The following AK8 variants were observed in gnomAD, a reference collection of about 807,000 sequenced individuals.
AK8 encodes the protein adenylate kinase 8.
Under a neutral mutation model 54.6 loss-of-function variants are expected in AK8, and 44 were observed. The observed-to-expected ratio is 0.81, with a 90% CI of 0.63 to 1.04. The LOEUF (loss-of-function observed/expected upper bound fraction) is 1.04, where lower values mean the gene tolerates loss of function less well. AK8 is among the 50% of genes least tolerant of loss of function. The pLI is 0.00. For missense variants in AK8, 555 were observed against 613.6 expected (o/e 0.90, Z 1.01); for synonymous variants, 239 against 245.6 (o/e 0.97, Z 0.25).
intron 5 of AK8, among the ~76,000 whole-genome samples, chr9:132,848,907 T>C (rs981286381): frequency 1.3e-4 from 9 of 69,432 alleles, no homozygotes; most frequent in Non-Finnish European, 2.0e-4. Flanking sequence ...TCCTGTTTGC[T>C]TTTTTTTTTT....
At chr9:132,806,468 A>G (rs1303583411) in intron 10 of AK8, among the ~76,000 whole-genome samples, 1 of 152,174 alleles carries the variant, frequency 6.6e-6, no homozygotes, top group African/African-American at 2.4e-5. Flanking sequence ...AACACACCGC[A>G]TGCAAAGGCT....
At chr9:132,824,108 G>A (rs1188390793) in intron 8 of AK8, among the ~76,000 whole-genome samples, 2 of 152,178 alleles carry the variant, frequency 1.3e-5, no homozygotes, top group East Asian at 3.9e-4. Flanking sequence ...AAGCCACAGG[G>A]CAAAGCTACT....
At chr9:132,878,594 C>G (rs1844268974), upstream of AK8, 2 of 1,097,898 alleles carry the variant, frequency 1.8e-6, no homozygotes, top group Non-Finnish European at 1.1e-6. This position sits in a 1 kb window ranked among gnomAD's most constrained non-coding sequence, Gnocchi z 4.7. Context: ...GAGGCAGAAC[C>G]TGCTTCTGGT....
intron 5 of AK8, among the ~76,000 whole-genome samples, chr9:132,850,461 A>G (rs1356409227): frequency 3.5e-5 from 5 of 142,772 alleles, no homozygotes; most frequent in Non-Finnish European, 6.0e-5. Context: ...CAGTGGCGTG[A>G]TGTTGGCTCA....
In AK8 at chr9:132,725,875, A is replaced by G. The variant is rs1228524629; in HGVS notation, c.1253T>C (p.Leu418Pro). ...PPPTMEIQARLLQNPKDAEEQ... is the reference protein window; with the variant it reads ...PPPTMEIQARPLQNPKDAEEQ... ...TTCAGCATCCTTTGGGTTCTGCAGG[A>G]GGCGAGCCTGGATCTCCATGGTGGG... The change falls in exon 13 of 13, where the codon CTC becomes CCC. Residue 418 changes from leucine to proline, a missense_variant. Leu to Pro is a moderately conservative substitution (Grantham distance 98). Transcript: ENST00000298545. The G allele has an allele frequency of 2.5e-6, 4 of 1,611,618 alleles. No homozygotes were observed. In the South Asian group the frequency reaches 4.4e-5, roughly 18 times the overall value.
intron 7 of AK8, chr9:132,827,715 G>A: frequency 2.4e-6 from 1 of 412,892 alleles, no homozygotes. Context: ...AGGCAGACAT[G>A]TCCCCTGGCT....
intron 11 of AK8, among the ~76,000 whole-genome samples, chr9:132,744,000 A>C (rs1037771726): frequency 1.3e-5 from 2 of 152,224 alleles, no homozygotes; most frequent in African/African-American, 4.8e-5. Flanking sequence ...GGAGAGGGAC[A>C]GTGAACCTGC....
At chr9:132,829,163 A>T (rs1203993874) in intron 5 of AK8, among the ~76,000 whole-genome samples, 3 of 152,102 alleles carry the variant, frequency 2.0e-5, no homozygotes, top group African/African-American at 7.2e-5. Flanking sequence ...TCACCATGTT[A>T]GCCAGGCTGG....
chr9:132,862,802 C>T (rs1032546490), intron 4 of AK8, among the ~76,000 whole-genome samples: 6 of 152,118 alleles, frequency 3.9e-5, no homozygotes, highest in Non-Finnish European at 8.8e-5. Context: ...GAGGATTTGG[C>T]TTTGAAGCTG....
chr9:132,841,549 A>G (rs1186850500), intron 5 of AK8, among the ~76,000 whole-genome samples: 1 of 152,206 alleles, frequency 6.6e-6, no homozygotes, highest in African/African-American at 2.4e-5. Flanking sequence ...GCCTGGCACA[A>G]ACCTGCCGAG....
At chr9:132,874,685 C>A (rs1305710295) in intron 2 of AK8, among the ~76,000 whole-genome samples, 1 of 152,148 alleles carries the variant, frequency 6.6e-6, no homozygotes, top group Non-Finnish European at 1.5e-5. Context: ...ATAATGAGAC[C>A]GTCGGAAAAG....
At chr9:132,836,222 G>C (rs1394559607) in intron 5 of AK8, among the ~76,000 whole-genome samples, 1 of 152,218 alleles carries the variant, frequency 6.6e-6, no homozygotes, top group Non-Finnish European at 1.5e-5. Context: ...CCGGGAGTTC[G>C]AGGCTGCAGG....
Position 132,826,908 on chromosome 9 carries a change from T to G in AK8, c.703A>C (p.Lys235Gln), listed in dbSNP as rs755948429. ...TCAGCACTGATGACTTTGAGGATTT[T>G]GGGGTAGGAGGGAATGACCCTGACG... ...NIVRVIPSYP[K>Q]ILKVISADQP... The change falls in exon 8 of 13, where the codon AAA (lysine) becomes CAA (glutamine). Residue 235 changes from lysine to glutamine, a missense_variant. Lys to Gln is a moderately conservative substitution (Grantham distance 53). Coordinates refer to ENST00000298545, the MANE Select transcript of AK8 (RefSeq NM_152572.3). The surrounding 1 kb of genome is among the most constrained non-coding windows in gnomAD (Gnocchi z 4.5). The G allele has an allele frequency of 1.9e-6, 3 of 1,614,098 alleles. No individual in the cohort carries two copies. Among genetic ancestry groups the G allele is most frequent in the Non-Finnish European group, 2.5e-6 (3 of 1,180,054 alleles).
At chr9:132,853,065 C>T (rs72759422) in intron 5 of AK8, among the ~76,000 whole-genome samples, 2,423 of 151,724 alleles carry the variant, frequency 0.016, 30 homozygotes, top group Middle Eastern at 0.041. Context: ...ACTAGTGAAA[C>T]CTAAAAATAG....
chr9:132,726,975 T>C (rs1836606699), intron 12 of AK8, among the ~76,000 whole-genome samples: 1 of 148,954 alleles, frequency 6.7e-6, no homozygotes, highest in Non-Finnish European at 1.5e-5. Flanking sequence ...GGGGTTTCCA[T>C]TGCATTTCAA....
At chr9:132,806,727 C>G (rs1840742240) in intron 10 of AK8, among the ~76,000 whole-genome samples, 1 of 152,176 alleles carries the variant, frequency 6.6e-6, no homozygotes, top group Admixed American at 6.5e-5. Context: ...AAATGCAGCA[C>G]TTTGGCTGAG....
At chr9:132,847,414 T>C (rs963011450) in intron 5 of AK8, among the ~76,000 whole-genome samples, 2 of 152,190 alleles carry the variant, frequency 1.3e-5, no homozygotes, top group Non-Finnish European at 2.9e-5. Context: ...GGATATGAAC[T>C]ACATAGTTTC....
chr9:132,767,387 C>T (rs918782857), intron 11 of AK8, among the ~76,000 whole-genome samples: 1 of 151,718 alleles, frequency 6.6e-6, no homozygotes, highest in African/African-American at 2.4e-5. Flanking sequence ...CATGGAAATG[C>T]AAATTAAAAC....
In AK8 at chr9:132,799,596, A is replaced by AACAC. The variant is rs141099716; in HGVS notation, c.980-6825_980-6822dup. On this transcript the variant is annotated intron_variant, in intron 10 of 12. Transcript: ENST00000298545. The surrounding 1 kb of genome is among the most constrained non-coding windows in gnomAD (Gnocchi z 5.0). ...ACATGTGCTCATGCACTCAGCTACA[A>AACAC]ACACACACACACACACACCACACAC... Among the ~76,000 whole-genome samples, 1 of 149,892 alleles carries AACAC rather than the reference A, an allele frequency of 6.7e-6. No individual in the cohort carries two copies. The highest frequency in any genetic ancestry group is 2.4e-5 in the African/African-American group (1 of 40,854).
Sources: gnomAD v4.1 joint callset for allele counts (sites outside exome capture counted in the v4.1 genomes callset) on GRCh38, gnomAD v4.1.1 for gene constraint, Gnocchi (gnomAD v3.1) non-coding constraint, MANE v1.5 for transcripts, NCBI Gene and HGNC (gene_info 2026-07-23, HGNC 2026-07-21) for gene names.